Variants in KIAA2012 observed in about 807,000 individuals in gnomAD.
KIAA2012 encodes the protein uncharacterized protein KIAA2012.
A neutral mutation model predicts 150.6 loss-of-function variants in KIAA2012; 125 were observed. That is an observed-to-expected ratio of 0.83 (90% CI 0.72 to 0.96). The LOEUF (loss-of-function observed/expected upper bound fraction) is 0.96, where lower values mean the gene tolerates loss of function less well. Among genes scored for constraint, KIAA2012 ranks in the 40% least tolerant of loss-of-function variants. The probability of loss-of-function intolerance (pLI) is 0.00; values close to 1 mark genes in which losing one functional copy is unlikely to be tolerated. For synonymous variants in KIAA2012, 462 were observed against 504.7 expected, an observed-to-expected ratio of 0.92 and a Z score of 1.13; for missense variants, 1,219 against 1,354.9, an observed-to-expected ratio of 0.90 and a Z score of 1.57.
At chr2:202,189,390 C>A (rs1692286905) in intron 18 of KIAA2012, among the ~76,000 whole-genome samples, 2 of 151,642 alleles carry the variant, frequency 1.3e-5, no homozygotes, top group African/African-American at 4.9e-5. Flanking sequence ...CTCCTGGGTT[C>A]AAGCAATTCT....
chr2:202,202,008 T>A (rs1422910561), intron 22 of KIAA2012: 1 of 583,942 alleles, frequency 1.7e-6, no homozygotes, highest in Non-Finnish European at 3.1e-6. Flanking sequence ...AACGCCTGAG[T>A]GGCGCTGCCG....
At chr2:202,164,385 G>T (rs1042626396) in intron 14 of KIAA2012, among the ~76,000 whole-genome samples, 2 of 152,212 alleles carry the variant, frequency 1.3e-5, no homozygotes, top group Non-Finnish European at 2.9e-5. Flanking sequence ...TTGGAGTTAG[G>T]ACCTGGGAAT....
chr2:202,098,832 G>A lies in KIAA2012; in HGVS notation c.829-781G>A, dbSNP rs563347000. ...TGTGTGTGTGTGTGCACGCGCGCGC[G>A]CGCGCAGGATAACAATTGTTCAGAG... On this transcript the variant is annotated intron_variant, in intron 5 of 23. Transcript: ENST00000498697. Among the ~76,000 whole-genome samples, 54 of 148,998 alleles carry A rather than the reference G, an allele frequency of 3.6e-4. No individual in the cohort carries two copies. In the East Asian group the frequency reaches 8.6e-3, roughly 24 times the overall value.
At chr2:202,143,471 A>C (rs569795207) in intron 13 of KIAA2012, among the ~76,000 whole-genome samples, 37 of 152,026 alleles carry the variant, frequency 2.4e-4, no homozygotes, top group African/African-American at 8.2e-4. Flanking sequence ...TATTCGGAAA[A>C]GACTTGCAAA....
intron 18 of KIAA2012, among the ~76,000 whole-genome samples, chr2:202,189,148 G>A (rs565124670): frequency 5.2e-4 from 79 of 152,258 alleles, no homozygotes; most frequent in South Asian, 1.0e-3. Context: ...GCGAAGGAAG[G>A]GTCCTTAGAG....
chr2:202,184,881 C>A, intron 16 of KIAA2012, 38 bp downstream of exon 16: 2 of 1,462,812 alleles, frequency 1.4e-6, no homozygotes, highest in South Asian at 1.3e-5. Flanking sequence ...GGCTTCTCTG[C>A]TTTTATTTTG....
At chr2:202,199,817 T>C (rs1348784397) in intron 22 of KIAA2012, among the ~76,000 whole-genome samples, 2 of 151,916 alleles carry the variant, frequency 1.3e-5, no homozygotes, top group Non-Finnish European at 2.9e-5. Flanking sequence ...TCAGACACTC[T>C]GACAAAAAAT....
chr2:202,132,700 ATATATATG>A lies in KIAA2012; in HGVS notation c.1832-5716_1832-5709del, dbSNP rs368452260. Among the ~76,000 whole-genome samples, 398 of 99,262 alleles carry A rather than the reference ATATATATG, an allele frequency of 4.0e-3. 2 individuals are homozygous for A. The highest frequency in any genetic ancestry group is 6.8e-3 in the Non-Finnish European group (349 of 51,492). The allele number at this position is 99,262 out of a possible 152,430, so 65.1% of individuals were successfully genotyped here. A position where few individuals can be genotyped will look rare whatever the true frequency, so the allele number is the denominator to read the frequency against. ...AATACATATATATATATGTATGTAT[ATATATATG>A]TATATATGTATATATATATAGTATA... On this transcript the variant is annotated intron_variant, in intron 12 of 23. Transcript: ENST00000498697.
In KIAA2012 at chr2:202,181,588, T is replaced by TA. The variant is rs1040273280; in HGVS notation, c.2120-3154dup. 7.1e-4 allele frequency among the ~76,000 whole-genome samples: 101 copies of TA among 141,586 alleles called. 2 individuals are homozygous for TA. The East Asian group carries it at 0.011, about 16-fold the overall frequency. The allele number at this position is 141,586 out of a possible 152,430, so 92.9% of individuals were successfully genotyped here. A position where few individuals can be genotyped will look rare whatever the true frequency, so the allele number is the denominator to read the frequency against. ...CAGAGCGAGACCCTGTCTCTAAGAA[T>TA]AAAAAAAAAAATTAAGAATATTTAA... is the stretch of plus-strand genomic sequence containing the variant. On this transcript the variant is annotated intron_variant, in intron 15 of 23. Transcript: ENST00000498697.
chr2:202,109,726 C>T lies in KIAA2012; in HGVS notation c.1588C>T (p.His530Tyr). 7 of 1,550,338 alleles carry T rather than the reference C, an allele frequency of 4.5e-6. No homozygotes were observed. Among genetic ancestry groups the T allele is most frequent in the Non-Finnish European group, 6.1e-6 (7 of 1,146,874 alleles). Residue 530 changes from histidine to tyrosine, a missense_variant, in exon 10 of 24, where the codon CAC becomes TAC. Transcript: ENST00000498697. ...CGTGGACAGCCCTAGGACATCAGAC[C>T]ACAACAGCCCCCCAAGTCTCCCGAA... Reference protein sequence around the residue: ...KGVDSPRTSDHNSPPSLPNMR... With the variant: ...KGVDSPRTSDYNSPPSLPNMR...
chr2:202,089,088 CT>C (rs2105914023), intron 2 of KIAA2012, among the ~76,000 whole-genome samples: 1 of 152,302 alleles, frequency 6.6e-6, no homozygotes, highest in South Asian at 2.1e-4. Context: ...ATTGTTCAGC[CT>C]CTGCAGGCCC....
At chr2:202,157,169 CCTT>C in intron 14 of KIAA2012, among the ~76,000 whole-genome samples, 1 of 152,284 alleles carries the variant, frequency 6.6e-6, no homozygotes, top group East Asian at 1.9e-4. Flanking sequence ...GCCCCAAAGA[CCTT>C]CTCTTGGAAA....
At position 202,099,716 on chromosome 2, in the gene KIAA2012, A is replaced by G; in HGVS notation, c.932A>G (p.Asp311Gly). Reference protein sequence around the residue: ...SRKAFGHGRIDHSWLPSDKSH... With the variant: ...SRKAFGHGRIGHSWLPSDKSH... Reference sequence around the variant, plus strand: ...AAGGCCTTTGGGCATGGCCGCATCGATCACTCTTGGCTCCCAAGTGACAAA... The same window carrying G: ...AAGGCCTTTGGGCATGGCCGCATCGGTCACTCTTGGCTCCCAAGTGACAAA... Residue 311 changes from aspartate (D) to glycine (G), a missense_variant, in exon 6 of 24, where the codon GAT becomes GGT. Transcript: ENST00000498697. The G allele has an allele frequency of 6.4e-7, 1 of 1,550,664 alleles. No individual in the cohort carries two copies. Among genetic ancestry groups the G allele is most frequent in the East Asian group, 2.4e-5 (1 of 40,922 alleles).
At chr2:202,203,751 A>ACAT (rs1265601600) in intron 23 of KIAA2012, among the ~76,000 whole-genome samples, 2 of 151,696 alleles carry the variant, frequency 1.3e-5, no homozygotes, top group East Asian at 3.9e-4. Context: ...TGAAAAAATT[A>ACAT]CATTGACTCT....
intron 12 of KIAA2012, among the ~76,000 whole-genome samples, chr2:202,129,837 C>T (rs946299840): frequency 6.6e-6 from 1 of 152,092 alleles, no homozygotes; most frequent in Non-Finnish European, 1.5e-5. Flanking sequence ...AATAAAACAT[C>T]AGGGACACAC....
At chr2:202,142,036 A>G (rs1439543439) in intron 13 of KIAA2012, among the ~76,000 whole-genome samples, 1 of 152,232 alleles carries the variant, frequency 6.6e-6, no homozygotes, top group African/African-American at 2.4e-5. Flanking sequence ...GAACCAGGAG[A>G]AAAATAAACA....
At chr2:202,135,993 T>A (rs1420237514) in intron 12 of KIAA2012, 38 of 275,570 alleles carry the variant, frequency 1.4e-4, no homozygotes, top group South Asian at 2.2e-4. Flanking sequence ...GATTCAAATT[T>A]AAAAAAAAAA....
Position 202,129,948 on chromosome 2 carries a change from C to T in KIAA2012, c.1831+4666C>T, listed in dbSNP as rs143469938. 4.0e-3 allele frequency among the ~76,000 whole-genome samples: 611 copies of T among 152,254 alleles called. 4 individuals are homozygous for T. The highest frequency in any genetic ancestry group is 0.017 in the Middle Eastern group (5 of 294). On this transcript the variant is annotated intron_variant, in intron 12 of 23. Transcript: ENST00000498697. ...GCTAGTGAGTGAGCCTAGCCAGCCT[C>T]GCAGCACTCACACGTCTCATATTGT...
At chr2:202,124,419 CCTGT>C (rs1690729381) in intron 11 of KIAA2012, among the ~76,000 whole-genome samples, 1 of 152,060 alleles carries the variant, frequency 6.6e-6, no homozygotes, top group African/African-American at 2.4e-5. Context: ...TGTGAAAAAG[CCTGT>C]CTGTCTTTTT....
Sources: gnomAD v4.1 joint callset for allele counts (sites outside exome capture counted in the v4.1 genomes callset) on GRCh38, gnomAD v4.1.1 for gene constraint, MANE v1.5 for transcripts, NCBI Gene and HGNC (gene_info 2026-07-23, HGNC 2026-07-21) for gene names.